Variants in FLT3 observed in about 807,000 individuals in gnomAD.
The protein encoded by FLT3 is fms related receptor tyrosine kinase 3.
FLT3 carries 46 observed loss-of-function variants against 126.6 expected under a neutral mutation model. The ratio of observed to expected loss-of-function variants is 0.36; its 90% CI spans 0.29 to 0.46. FLT3 has a LOEUF of 0.46. Among genes scored for constraint, FLT3 ranks in the 20% least tolerant of loss-of-function variants. The pLI, the probability that FLT3 is intolerant of heterozygous loss-of-function variation, is 1.00. For missense variants in FLT3, 1,069 were observed against 1,190.3 expected, an observed-to-expected ratio of 0.90 and a Z score of 1.50; for synonymous variants, 404 against 434.4, an observed-to-expected ratio of 0.93 and a Z score of 0.87.
chr13:28,022,012 C>T (rs979885506), intron 19 of FLT3, among the ~76,000 whole-genome samples: 1 of 151,348 alleles, frequency 6.6e-6, no homozygotes, highest in Non-Finnish European at 1.5e-5. Flanking sequence ...GTTGGGATTA[C>T]AGGCGTGAGC....
intron 1 of FLT3, among the ~76,000 whole-genome samples, chr13:28,072,278 T>A (rs947951838): frequency 6.6e-6 from 1 of 152,066 alleles, no homozygotes; most frequent in South Asian, 2.1e-4. Flanking sequence ...CATACACACA[T>A]TGTGAAACGA....
At chr13:28,028,428 G>A (rs968441167) in intron 15 of FLT3, 140 bp from the exon 16 acceptor site, 24 of 605,478 alleles carry the variant, frequency 4.0e-5, no homozygotes, top group African/African-American at 3.7e-4. Context: ...CAGGCATGGT[G>A]GGTCATGCCT....
intron 9 of FLT3, among the ~76,000 whole-genome samples, chr13:28,039,699 CCACCA>C (rs1874173987): frequency 6.6e-6 from 1 of 151,984 alleles, no homozygotes; most frequent in African/African-American, 2.4e-5. Context: ...CAGGCACACG[CCACCA>C]CAGCCAGCTA....
intron 15 of FLT3, among the ~76,000 whole-genome samples, chr13:28,030,563 A>T (rs1873229687): frequency 1.3e-5 from 2 of 152,176 alleles, no homozygotes; most frequent in South Asian, 4.1e-4. Flanking sequence ...ATACAGTGCC[A>T]TAAATGCAAT....
intron 1 of FLT3, among the ~76,000 whole-genome samples, chr13:28,086,619 C>T (rs1219310378): frequency 2.2e-5 from 3 of 134,726 alleles, no homozygotes; most frequent in African/African-American, 8.2e-5. Flanking sequence ...CTGAAGAACT[C>T]GTGTGTGTGT....
intron 1 of FLT3, among the ~76,000 whole-genome samples, chr13:28,090,006 G>T (rs929003388): frequency 1.3e-5 from 2 of 151,712 alleles, no homozygotes; most frequent in Non-Finnish European, 2.9e-5. Flanking sequence ...CTCCCCAAAT[G>T]CTGAGATTAC....
At chr13:28,070,451 G>C (rs766680131) in intron 2 of FLT3, 40 bp downstream of exon 2, 32 of 1,573,228 alleles carry the variant, frequency 2.0e-5, no homozygotes, top group Non-Finnish European at 8.7e-7. Flanking sequence ...ACGTTCTCTA[G>C]AGAAAAACAG....
chr13:28,089,711 G>T lies in FLT3; in HGVS notation c.43+10757C>A, dbSNP rs543935952. Among the ~76,000 whole-genome samples the T allele has an allele frequency of 2.0e-5, 3 of 151,690 alleles. No individual in the cohort carries two copies. In the East Asian group the frequency reaches 5.8e-4, roughly 29 times the overall value. ...GTGAGGGGCTTGGGGTAGGGATCAG[G>T]GTTGACTACAGAAGGGCATGAGGGA... On this transcript the variant is annotated intron_variant, in intron 1 of 23. Transcript: ENST00000241453.
intron 11 of FLT3, 62 bp from the exon 12 acceptor site, chr13:28,035,735 T>C (rs1248660978): frequency 1.1e-5 from 17 of 1,520,290 alleles, no homozygotes; most frequent in Non-Finnish European, 1.5e-5. Context: ...GAAGTTAGGA[T>C]TTCTGCAGCG....
At chr13:28,093,930 G>C (rs1294729791) in intron 1 of FLT3, among the ~76,000 whole-genome samples, 1 of 151,938 alleles carries the variant, frequency 6.6e-6, no homozygotes, top group East Asian at 1.9e-4. Flanking sequence ...AAGGAGGGAG[G>C]GAATTAAAAA....
intron 1 of FLT3, among the ~76,000 whole-genome samples, chr13:28,088,178 G>A (rs1051166476): frequency 3.9e-5 from 6 of 152,156 alleles, no homozygotes; most frequent in Admixed American, 3.9e-4. Context: ...GTTCTTTCAT[G>A]TCTTGCATTT....
rs1875248708 is a variant in FLT3, at chr13:28,049,629, T to C, written c.882+6A>G. The C allele has an allele frequency of 2.5e-6, 4 of 1,614,014 alleles. No individual in the cohort carries two copies. The highest frequency in any genetic ancestry group is 3.4e-6 in the Non-Finnish European group (4 of 1,179,978). On this transcript the variant is annotated splice_donor_region_variant and intron_variant, in intron 7 of 23. Coordinates refer to ENST00000241453, the MANE Select transcript of FLT3 (RefSeq NM_004119.3). ...GCATTTTCAGAATACAAACTTGTCCTATTACCTCCTCGAGTGCTTTGTTTT... is the reference window on the plus strand; with the variant it reads ...GCATTTTCAGAATACAAACTTGTCCCATTACCTCCTCGAGTGCTTTGTTTT...
At chr13:28,029,395 A>AAAAACAAAACAAAAC (rs57346071) in intron 15 of FLT3, among the ~76,000 whole-genome samples, 1 of 151,390 alleles carries the variant, frequency 6.6e-6, no homozygotes. Context: ...ACTCTGTCTC[A>AAAAACAAAACAAAAC]AAAACAAAAC....
Position 28,003,633 on chromosome 13 carries a change from T to C in FLT3, c.*419A>G. 4.0e-6 allele frequency: 1 copy of C among 248,184 alleles called. No homozygotes were observed. The highest frequency in any genetic ancestry group is 8.0e-6 in the Non-Finnish European group (1 of 125,774). 15.4% of individuals were successfully genotyped at this position (248,184 alleles called of 1,614,324 possible). On this transcript the variant is annotated 3_prime_UTR_variant, in exon 24 of 24. Coordinates refer to ENST00000241453, the MANE Select transcript of FLT3 (RefSeq NM_004119.3). The stretch of plus-strand genomic sequence containing the variant: ...GGGCAATTCTGTAGTAGAAATTTTA[T>C]TCCCACCCATAAAATATATCACTAA...
At chr13:28,039,706 A>T (rs1874174723) in intron 9 of FLT3, among the ~76,000 whole-genome samples, 1 of 151,894 alleles carries the variant, frequency 6.6e-6, no homozygotes, top group African/African-American at 2.4e-5. Context: ...ACGCCACCAC[A>T]GCCAGCTAAT....
intron 23 of FLT3, among the ~76,000 whole-genome samples, chr13:28,006,201 G>A (rs903262470): frequency 3.3e-5 from 5 of 152,028 alleles, no homozygotes; most frequent in South Asian, 4.2e-4. Flanking sequence ...GATTTGTTCC[G>A]TTCCCACAGC....
Position 28,005,776 on chromosome 13 carries a change from T to C in FLT3, c.2860-1602A>G, listed in dbSNP as rs140519624. ...TATCAACGGTGCCTGGAAACTATATTTTCCAGAGCCTTCTGAACAATGGGT... is the reference window on the plus strand; with the variant it reads ...TATCAACGGTGCCTGGAAACTATATCTTCCAGAGCCTTCTGAACAATGGGT... On this transcript the variant is annotated intron_variant, in intron 23 of 23. Transcript: ENST00000241453. 8.5e-5 allele frequency among the ~76,000 whole-genome samples: 13 copies of C among 152,314 alleles called. No homozygotes were observed. The East Asian group carries it at 2.1e-3, about 25-fold the overall frequency.
chr13:28,016,459 C>T (rs571940802), intron 20 of FLT3, among the ~76,000 whole-genome samples: 12 of 151,978 alleles, frequency 7.9e-5, no homozygotes, highest in South Asian at 6.2e-4. Flanking sequence ...TTCGTAGAGA[C>T]GGGATTTCAC....
intron 2 of FLT3, chr13:28,067,918 C>A: frequency 2.6e-6 from 1 of 389,378 alleles, no homozygotes; most frequent in Non-Finnish European, 5.1e-6. Context: ...TGCAGGCCAC[C>A]TGCCTGAAAT....
Sources: allele counts gnomAD v4.1 joint callset (sites outside exome capture counted in the v4.1 genomes callset), GRCh38; gene constraint gnomAD v4.1.1; transcripts MANE v1.5; gene names NCBI Gene and HGNC (gene_info 2026-07-23, HGNC 2026-07-21).